The following ZNF248 variants were observed in gnomAD, a reference collection of about 807,000 sequenced individuals.
ZNF248 encodes the protein zinc finger protein 248, also known as KRAB protein domain.
A neutral mutation model predicts 44.3 loss-of-function variants in ZNF248; 20 were observed. That is an observed-to-expected ratio of 0.45 (90% CI 0.32 to 0.66). The LOEUF (loss-of-function observed/expected upper bound fraction) is 0.66, where lower values mean the gene tolerates loss of function less well. Ranked by LOEUF, ZNF248 falls within the 30% of genes least tolerant of loss-of-function variation. ZNF248 has a pLI of 0.04. For synonymous variants in ZNF248, 224 were observed against 229.0 expected (o/e 0.98, Z 0.20); for missense variants, 654 against 677.0 (o/e 0.97, Z 0.38).
At chr10:37,842,138 A>T (rs1004603004) in intron 3 of ZNF248, among the ~76,000 whole-genome samples, 3 of 152,216 alleles carry the variant, frequency 2.0e-5, no homozygotes, top group Non-Finnish European at 4.4e-5. Flanking sequence ...AGGTATATGG[A>T]AACTCTTTGT....
the ZNF248 span, among the ~76,000 whole-genome samples, chr10:37,761,196 C>T: frequency 6.6e-6 from 1 of 152,178 alleles, no homozygotes; most frequent in African/African-American, 2.4e-5. Flanking sequence ...CTCTTATTGG[C>T]CCATCTTGGA....
intron 6 of ZNF248, among the ~76,000 whole-genome samples, chr10:37,817,370 AT>A (rs905174441): frequency 3.1e-4 from 41 of 133,752 alleles, no homozygotes; most frequent in Middle Eastern, 3.7e-3. Flanking sequence ...ATGAACCTTT[AT>A]TTTTAAAAAA....
chr10:37,855,752 T>C (rs1148293), intron 3 of ZNF248, among the ~76,000 whole-genome samples: 9,125 of 152,324 alleles, frequency 0.06, 355 homozygotes, highest in Middle Eastern at 0.095. Flanking sequence ...CAGGTGAGTT[T>C]AGGTGAGGGA....
intron 6 of ZNF248, among the ~76,000 whole-genome samples, chr10:37,815,991 GA>G (rs71007668): frequency 1.4e-3 from 180 of 130,088 alleles, no homozygotes; most frequent in South Asian, 3.8e-3. Context: ...TCCGATAATG[GA>G]AAAAAAAAAA....
downstream of ZNF248, chr10:37,776,502 TGG>T: frequency 2.5e-6 from 1 of 398,318 alleles, no homozygotes; most frequent in East Asian, 3.6e-5. Flanking sequence ...ATCTTCAAGG[TGG>T]GATTCCTGTT....
intron 6 of ZNF248, among the ~76,000 whole-genome samples, chr10:37,812,328 A>T (rs1281005828): frequency 3.3e-5 from 5 of 152,116 alleles, no homozygotes; most frequent in Non-Finnish European, 5.9e-5. Context: ...GAAAAAAAAA[A>T]GTGCCACAAA....
chr10:37,826,972 A>G (rs1164316083), downstream of ZNF248, among the ~76,000 whole-genome samples: 2 of 152,206 alleles, frequency 1.3e-5, no homozygotes, highest in Non-Finnish European at 2.9e-5. Context: ...ACTTTAGGGA[A>G]GTGAACCAAT....
At chr10:37,796,878 A>G (rs570677767) in intron 6 of ZNF248, among the ~76,000 whole-genome samples, 10 of 152,282 alleles carry the variant, frequency 6.6e-5, no homozygotes, top group African/African-American at 2.4e-4. Context: ...AGGAAGACAA[A>G]AATAGAGGCA....
chr10:37,834,287 A>G (rs146140768), intron 5 of ZNF248, among the ~76,000 whole-genome samples: 2 of 152,244 alleles, frequency 1.3e-5, no homozygotes, highest in African/African-American at 4.8e-5. Context: ...CCCTTGCTCA[A>G]TGCTATCGCC....
chr10:37,758,581 A>G, the ZNF248 span, among the ~76,000 whole-genome samples: 1 of 152,326 alleles, frequency 6.6e-6, no homozygotes, highest in East Asian at 1.9e-4. Context: ...ATATACTCAC[A>G]ATAACACCTA....
At chr10:37,844,952 C>CCCTTTCCTTT (rs2059036433) in intron 3 of ZNF248, among the ~76,000 whole-genome samples, 1 of 136,808 alleles carries the variant, frequency 7.3e-6, no homozygotes, top group African/African-American at 2.7e-5. Flanking sequence ...CCCTTCCCTC[C>CCCTTTCCTTT]CCCCTTCCTT....
At chr10:37,773,156 G>A (rs900220056), downstream of ZNF248, among the ~76,000 whole-genome samples, 3 of 152,194 alleles carry the variant, frequency 2.0e-5, no homozygotes, top group Non-Finnish European at 2.9e-5. Context: ...TGAGGCAGGA[G>A]AATCACTTAA....
At chr10:37,778,660 C>T (rs9418284) in intron 6 of ZNF248, among the ~76,000 whole-genome samples, 9,132 of 152,082 alleles carry the variant, frequency 0.06, 352 homozygotes, top group Middle Eastern at 0.095. Flanking sequence ...TTTATGGTTT[C>T]AGGTCTAACG....
At chr10:37,768,320 T>C in the ZNF248 span, among the ~76,000 whole-genome samples, 1 of 152,220 alleles carries the variant, frequency 6.6e-6, no homozygotes, top group South Asian at 2.1e-4. Flanking sequence ...CTACAGAATA[T>C]ACATTTGTCT....
intron 3 of ZNF248, among the ~76,000 whole-genome samples, chr10:37,841,056 T>C (rs2058251569): frequency 6.6e-6 from 1 of 152,222 alleles, no homozygotes; most frequent in African/African-American, 2.4e-5. Context: ...TAAGACTGTC[T>C]TCTCAGCTTC....
chr10:37,845,420 TCA>T (rs2059169955), intron 3 of ZNF248, among the ~76,000 whole-genome samples: 1 of 149,782 alleles, frequency 6.7e-6, no homozygotes, highest in African/African-American at 2.4e-5. Flanking sequence ...TAAGTCACAT[TCA>T]CAGAGTTCAG....
chr10:37,803,424 T>C (rs1208680), intron 6 of ZNF248: 1 of 152,354 alleles, frequency 6.6e-6, no homozygotes, highest in Non-Finnish European at 1.5e-5. Flanking sequence ...CCCTTGCTCA[T>C]GCTGGCAGCC....
At chr10:37,771,190 C>G in the ZNF248 span, among the ~76,000 whole-genome samples, 3 of 152,112 alleles carry the variant, frequency 2.0e-5, no homozygotes, top group African/African-American at 7.2e-5. Flanking sequence ...TAAACCAGTT[C>G]AACAATTGTG....
intron 6 of ZNF248, among the ~76,000 whole-genome samples, chr10:37,790,276 A>G (rs7906056): frequency 0.24 from 36,296 of 148,594 alleles, 4,349 homozygotes; most frequent in East Asian, 0.39. Context: ...GTGTCAAAAA[A>G]AAAAAAAAAA....
Sources: gnomAD v4.1 joint callset for allele counts (sites outside exome capture counted in the v4.1 genomes callset) on GRCh38, gnomAD v4.1.1 for gene constraint, MANE v1.5 for transcripts, NCBI Gene and HGNC (gene_info 2026-07-23, HGNC 2026-07-21) for gene names.